The following ALG9 variants were observed in gnomAD, a reference collection of about 807,000 sequenced individuals.
ALG9 encodes ALG9 alpha-1,2-mannosyltransferase, also known as alpha-1,2-mannosyltransferase ALG9.
In ALG9, 55 loss-of-function variants were observed where a neutral mutation model predicts 81.8. That is an observed-to-expected ratio of 0.67 (90% CI 0.54 to 0.84). The LOEUF is 0.84. Ranked by LOEUF, ALG9 falls within the 40% of genes least tolerant of loss-of-function variation. ALG9 has a pLI of 0.00. For missense variants in ALG9, 629 were observed against 745.0 expected (o/e 0.84, Z 1.81); for synonymous variants, 278 against 274.3 (o/e 1.01, Z -0.13).
Position 111,868,884 on chromosome 11 carries a change from G to A in ALG9, c.271-148C>T, listed in dbSNP as rs570852808. 6.7e-5 allele frequency: 50 copies of A among 747,802 alleles called. No individual in the cohort carries two copies. In the African/African-American group the frequency reaches 8.8e-4, roughly 13 times the overall value. 46.3% of individuals were successfully genotyped at this position (747,802 alleles called of 1,614,324 possible). A position where few individuals can be genotyped will look rare whatever the true frequency, so the allele number is the denominator to read the frequency against. The stretch of plus-strand genomic sequence containing the variant: ...ACCTATAATCCCAGCACTTTGGGAG[G>A]GCAAGGCAAGCAGGCTGCTTGAGCC... On this transcript the variant is annotated intron_variant, in intron 2 of 14. Transcript: ENST00000616540.
intron 13 of ALG9, among the ~76,000 whole-genome samples, chr11:111,830,581 T>C (rs917884345): frequency 2.6e-5 from 4 of 152,224 alleles, no homozygotes; most frequent in East Asian, 3.8e-4. Context: ...AAATTCTTAG[T>C]AGACTCTAAT....
the ALG9 span, among the ~76,000 whole-genome samples, chr11:111,772,102 A>T: frequency 6.6e-6 from 1 of 152,226 alleles, no homozygotes; most frequent in Non-Finnish European, 1.5e-5. Flanking sequence ...ACTTTGCTTG[A>T]ATTCTTGGGA....
rs375320373 is a variant in ALG9, at chr11:111,809,719, G to A, written c.1657C>T (p.Pro553Ser). Residue 553 changes from proline to serine, a missense_variant, in exon 14 of 15, where the codon CCC becomes TCC. Coordinates refer to ENST00000616540, the MANE Select transcript of ALG9 (RefSeq NM_024740.2). The stretch of plus-strand genomic sequence containing the variant: ...TTGGATGAATATTTTGGCTCCCGGG[G>A]TGTTTCTCTCATGGTGTCCAAATCC... ...LVDLDTMRETPREPKYSSNKE... is the reference protein window; with the variant it reads ...LVDLDTMRETSREPKYSSNKE... The A allele has an allele frequency of 6.2e-6, 10 of 1,613,942 alleles. No homozygotes were observed. Among genetic ancestry groups the A allele is most frequent in the South Asian group, 1.1e-5 (1 of 91,076 alleles).
At chr11:111,846,264 C>T (rs536191936) in intron 8 of ALG9, among the ~76,000 whole-genome samples, 129 of 152,304 alleles carry the variant, frequency 8.5e-4, no homozygotes, top group Non-Finnish European at 1.7e-3. Flanking sequence ...TTTTTCTTAA[C>T]AGGATTCTGG....
chr11:111,847,842 C>A (rs1171460038), intron 8 of ALG9, among the ~76,000 whole-genome samples: 1 of 152,182 alleles, frequency 6.6e-6, no homozygotes, highest in African/African-American at 2.4e-5. Flanking sequence ...GCCACTCAAG[C>A]TCGCTAGGGG....
At chr11:111,829,933 G>A (rs1555112200) in intron 13 of ALG9, among the ~76,000 whole-genome samples, 2 of 152,170 alleles carry the variant, frequency 1.3e-5, no homozygotes, top group African/African-American at 4.8e-5. Context: ...CATGTCTCAA[G>A]ATAAACTGTG....
Position 111,786,289 on chromosome 11 carries a change from G to C in ALG9, c.*108C>G. On this transcript the variant is annotated 3_prime_UTR_variant, in exon 15 of 15. Coordinates refer to ENST00000616540, the MANE Select transcript of ALG9 (RefSeq NM_024740.2). Reference sequence around the variant, plus strand: ...AGAGCACCCAGATTCCAGTATTCATGTCAGAAGACCTTTATTACAAATGTT... The same window carrying C: ...AGAGCACCCAGATTCCAGTATTCATCTCAGAAGACCTTTATTACAAATGTT... The C allele has an allele frequency of 6.5e-7, 1 of 1,543,046 alleles. No homozygotes were observed. The highest frequency in any genetic ancestry group is 8.9e-7 in the Non-Finnish European group (1 of 1,118,958).
chr11:111,820,550 G>A (rs1423720830), intron 13 of ALG9, among the ~76,000 whole-genome samples: 1 of 152,142 alleles, frequency 6.6e-6, no homozygotes, highest in African/African-American at 2.4e-5. Flanking sequence ...CTTCCATTAG[G>A]TGCCACCTCC....
At chr11:111,863,493 G>A (rs982026119) in intron 4 of ALG9, among the ~76,000 whole-genome samples, 5 of 152,126 alleles carry the variant, frequency 3.3e-5, no homozygotes, top group South Asian at 2.1e-4. Context: ...GGCAGCACTA[G>A]CTTTACTTTT....
At chr11:111,837,691 T>C (rs1228561560) in intron 11 of ALG9, 76 bp from the exon 12 acceptor site, 14 of 1,513,302 alleles carry the variant, frequency 9.3e-6, no homozygotes, top group African/African-American at 2.7e-5. Flanking sequence ...TGCTCATTAA[T>C]GTCGCACTGT....
At chr11:111,818,953 C>G (rs1301895850) in intron 13 of ALG9, among the ~76,000 whole-genome samples, 3 of 152,040 alleles carry the variant, frequency 2.0e-5, no homozygotes, top group Non-Finnish European at 4.4e-5. Context: ...TAGCACTGGG[C>G]AGAAGAAAGA....
intron 13 of ALG9, among the ~76,000 whole-genome samples, chr11:111,818,900 C>CA (rs1247861430): frequency 2.0e-5 from 3 of 152,032 alleles, no homozygotes; most frequent in African/African-American, 7.2e-5. Flanking sequence ...AAAAAACAAA[C>CA]AGAGAGGGCC....
downstream of ALG9, among the ~76,000 whole-genome samples, chr11:111,781,165 G>A (rs1945914543): frequency 1.3e-5 from 2 of 152,168 alleles, no homozygotes; most frequent in East Asian, 3.8e-4. Flanking sequence ...CAATTTGGGA[G>A]AAATAAATCA....
chr11:111,773,530 A>G, the ALG9 span, among the ~76,000 whole-genome samples: 1 of 151,270 alleles, frequency 6.6e-6, no homozygotes, highest in Non-Finnish European at 1.5e-5. Flanking sequence ...TGGGCGTCAC[A>G]AGGGTAGATT....
intron 14 of ALG9, among the ~76,000 whole-genome samples, chr11:111,796,012 T>C (rs1363251792): frequency 6.6e-6 from 1 of 152,242 alleles, no homozygotes; most frequent in Non-Finnish European, 1.5e-5. Flanking sequence ...CTTCGGACCC[T>C]CATTTGGGCT....
At position 111,785,443 on chromosome 11, in the gene ALG9, G is replaced by A. The variant is rs986244869; in HGVS notation, c.*954C>T. 3.9e-5 allele frequency: 6 copies of A among 152,838 alleles called. No homozygotes were observed. Among genetic ancestry groups the A allele is most frequent in the African/African-American group, 1.4e-4 (6 of 41,420 alleles). 9.5% of individuals were successfully genotyped at this position (152,838 alleles called of 1,614,324 possible). On this transcript the variant is annotated 3_prime_UTR_variant, in exon 15 of 15. Transcript: ENST00000616540. ...TGCAGGATGTGCCTCACAACAGACAGAACTAAAAAATAGGTGCTATAAATA... is the reference window on the plus strand; with the variant it reads ...TGCAGGATGTGCCTCACAACAGACAAAACTAAAAAATAGGTGCTATAAATA...
intron 4 of ALG9, chr11:111,864,522 A>G (rs1402209866): frequency 1.5e-6 from 1 of 658,296 alleles, no homozygotes; most frequent in African/African-American, 1.8e-5. Flanking sequence ...TTCAAAAGAG[A>G]GCTAAATTTG....
intron 14 of ALG9, among the ~76,000 whole-genome samples, chr11:111,804,143 A>C (rs1949572192): frequency 6.6e-6 from 1 of 151,466 alleles, no homozygotes; most frequent in African/African-American, 2.4e-5. Context: ...AAAAAAAAAA[A>C]AAAAAAAAGA....
intron 14 of ALG9, among the ~76,000 whole-genome samples, chr11:111,797,707 T>C (rs1555076582): frequency 6.6e-6 from 1 of 152,198 alleles, no homozygotes; most frequent in Non-Finnish European, 1.5e-5. Flanking sequence ...TCAACCAGAT[T>C]ACTCTCTACA....
Sources: allele counts gnomAD v4.1 joint callset (sites outside exome capture counted in the v4.1 genomes callset), GRCh38; gene constraint gnomAD v4.1.1; transcripts MANE v1.5; gene names NCBI Gene and HGNC (gene_info 2026-07-23, HGNC 2026-07-21).